The following NRXN1 variants were observed in gnomAD, a reference collection of about 807,000 sequenced individuals.
NRXN1 encodes neurexin-1.
Under a neutral mutation model 150.9 loss-of-function variants are expected in NRXN1, and 39 were observed. The observed-to-expected ratio is 0.26, with a 90% CI of 0.20 to 0.34. NRXN1 has a LOEUF of 0.34. NRXN1 is among the 10% of genes least tolerant of loss of function. The pLI is 1.00. For missense variants in NRXN1, 1,815 were observed against 1,949.9 expected, an observed-to-expected ratio of 0.93 and a Z score of 1.30; for synonymous variants, 924 against 757.0, an observed-to-expected ratio of 1.22 and a Z score of -3.62.
In NRXN1 at chr2:50,851,639, T is replaced by C. The variant is rs189924795; in HGVS notation, c.832+70230A>G. Among the ~76,000 whole-genome samples the C allele has an allele frequency of 2.2e-3, 340 of 152,180 alleles. 6 individuals are homozygous for C. Among genetic ancestry groups the C allele is most frequent in the Non-Finnish European group, 2.5e-3 (172 of 68,018 alleles). ...TTTTCAGAAAATTTGCAATTGAGTG[T>C]GGCTTGTTAGTTTAAAATAAACGGA... On this transcript the variant is annotated intron_variant, in intron 5 of 22. Transcript: ENST00000401669.
chr2:50,714,196 A>G lies in NRXN1; in HGVS notation c.833-90581T>C, dbSNP rs77890585. On this transcript the variant is annotated intron_variant, in intron 5 of 22. Coordinates refer to ENST00000401669, the MANE Select transcript of NRXN1 (RefSeq NM_001330078.2). ...AAATCAACTTTAGTCAAGGTTAACTAACTCCTTTATATGGCCACACAGGAG... is the reference window on the plus strand; with the variant it reads ...AAATCAACTTTAGTCAAGGTTAACTGACTCCTTTATATGGCCACACAGGAG... Among the ~76,000 whole-genome samples the G allele has an allele frequency of 8.5e-3, 1,293 of 152,274 alleles. 22 individuals carry two copies. The highest frequency in any genetic ancestry group is 0.029 in the African/African-American group (1,220 of 41,540).
At chr2:50,786,513 G>A (rs1705135446) in intron 5 of NRXN1, among the ~76,000 whole-genome samples, 1 of 152,082 alleles carries the variant, frequency 6.6e-6, no homozygotes, top group Admixed American at 6.6e-5. Flanking sequence ...GAAGACTAAT[G>A]ATCCTTTCTT....
At chr2:50,069,240 A>C (rs528259442) in intron 19 of NRXN1, among the ~76,000 whole-genome samples, 1 of 152,204 alleles carries the variant, frequency 6.6e-6, no homozygotes, top group Non-Finnish European at 1.5e-5. Context: ...TTTTTGCCCA[A>C]TAATGCTCCT....
intron 8 of NRXN1, among the ~76,000 whole-genome samples, chr2:50,559,958 AAAC>A (rs1401236742): frequency 1.3e-5 from 2 of 152,224 alleles, no homozygotes; most frequent in African/African-American, 4.8e-5. Flanking sequence ...TTTCCACAAA[AAAC>A]AACTGTAGCC....
chr2:49,987,331 T>G (rs1235035721), intron 21 of NRXN1, among the ~76,000 whole-genome samples: 1 of 152,130 alleles, frequency 6.6e-6, no homozygotes, highest in Non-Finnish European at 1.5e-5. Flanking sequence ...CAACACTCCT[T>G]TCCCCTGTCC....
In NRXN1 at chr2:50,091,427, G is replaced by A; in HGVS notation, c.3614C>T (p.Ala1205Val). Residue 1205 changes from alanine to valine, a missense_variant, in exon 19 of 23, where the codon GCA becomes GTA. Transcript: ENST00000401669. ...TDDIAIEESN[A>V]IINDGKYHVV... ...ATGGTATTTCCCATCATTAATGATTGCATTGGATTCTTCAATGGCGATGTC... is the reference window on the plus strand; with the variant it reads ...ATGGTATTTCCCATCATTAATGATTACATTGGATTCTTCAATGGCGATGTC... The A allele has an allele frequency of 6.2e-7, 1 of 1,614,120 alleles. No individual in the cohort carries two copies. The highest frequency in any genetic ancestry group is 8.5e-7 in the Non-Finnish European group (1 of 1,179,992).
intron 5 of NRXN1, among the ~76,000 whole-genome samples, chr2:50,921,521 A>G (rs1407289611): frequency 6.6e-6 from 1 of 151,744 alleles, no homozygotes; most frequent in Non-Finnish European, 1.5e-5. Flanking sequence ...TGTGCTCCAG[A>G]GCTGAATATT....
At chr2:50,835,424 T>C (rs1671972548) in intron 5 of NRXN1, among the ~76,000 whole-genome samples, 1 of 152,158 alleles carries the variant, frequency 6.6e-6, no homozygotes, top group South Asian at 2.1e-4. Flanking sequence ...TTTAAAAATA[T>C]TTTGATATTT....
chr2:50,211,333 A>T (rs2062998661), intron 18 of NRXN1, among the ~76,000 whole-genome samples: 2 of 151,688 alleles, frequency 1.3e-5, no homozygotes, highest in South Asian at 4.1e-4. Context: ...TGCTTAGAGT[A>T]TCTGTATCCT....
intron 11 of NRXN1, among the ~76,000 whole-genome samples, chr2:50,529,387 T>TCCTTTCTTGATTTTC (rs1421812935): frequency 6.6e-6 from 1 of 152,210 alleles, no homozygotes; most frequent in Non-Finnish European, 1.5e-5. Flanking sequence ...CCCTTGATTT[T>TCCTTTCTTGATTTTC]CCTTTCTTGA....
At chr2:49,946,272 G>C (rs1672875180) in intron 21 of NRXN1, among the ~76,000 whole-genome samples, 1 of 152,078 alleles carries the variant, frequency 6.6e-6, no homozygotes, top group East Asian at 1.9e-4. Flanking sequence ...GTTCCTTGTA[G>C]ACTCTGGATA....
chr2:50,362,619 C>T (rs1384271383), intron 17 of NRXN1, among the ~76,000 whole-genome samples: 1 of 152,148 alleles, frequency 6.6e-6, no homozygotes, highest in Non-Finnish European at 1.5e-5. Context: ...GAAAAACATT[C>T]CATGCTCATG....
intron 17 of NRXN1, among the ~76,000 whole-genome samples, chr2:50,343,005 T>C (rs2077663841): frequency 6.6e-6 from 1 of 152,220 alleles, no homozygotes; most frequent in Non-Finnish European, 1.5e-5. Context: ...CATTATAAAT[T>C]CAAGATATAA....
chr2:50,739,275 AAAGT>A (rs772498441), intron 5 of NRXN1: 9 of 502,768 alleles, frequency 1.8e-5, no homozygotes, highest in East Asian at 1.7e-4. Context: ...TTTTGATTAA[AAAGT>A]ATGTATTAAT....
chr2:50,911,198 C>T lies in NRXN1; in HGVS notation c.832+10671G>A, dbSNP rs570956004. Reference sequence around the variant, plus strand: ...TCCCTAGACCCTAAAGTTGCCCTCTCAGGCTGCTGTCATTACTCTTTCACA... The same window carrying T: ...TCCCTAGACCCTAAAGTTGCCCTCTTAGGCTGCTGTCATTACTCTTTCACA... On this transcript the variant is annotated intron_variant, in intron 5 of 22. Coordinates refer to ENST00000401669, the MANE Select transcript of NRXN1 (RefSeq NM_001330078.2). Among the ~76,000 whole-genome samples the T allele has an allele frequency of 2.6e-5, 4 of 151,612 alleles. No homozygotes were observed. In the East Asian group the frequency reaches 7.8e-4, roughly 30 times the overall value.
At chr2:50,552,534 G>T in intron 9 of NRXN1, 53 bp downstream of exon 9, 1 of 1,354,438 alleles carries the variant, frequency 7.4e-7, no homozygotes, top group Non-Finnish European at 1.0e-6. Context: ...GGAATGGCAT[G>T]GGTGGGTGGG....
At chr2:50,903,898 T>C (rs1294692340) in intron 5 of NRXN1, among the ~76,000 whole-genome samples, 1 of 152,220 alleles carries the variant, frequency 6.6e-6, no homozygotes, top group Admixed American at 6.5e-5. Flanking sequence ...ACGCCGGCTG[T>C]AGCCCTGAGA....
intron 21 of NRXN1, among the ~76,000 whole-genome samples, chr2:50,049,194 T>A (rs754511342): frequency 4.6e-5 from 7 of 152,160 alleles, no homozygotes; most frequent in African/African-American, 7.2e-5. Flanking sequence ...ATACTATTAA[T>A]AATTACACTG....
rs1553778339 is a variant in NRXN1 at position 50,552,795 on chromosome 2, G to C, written c.1551C>G (p.Ile517Met). 13 of 1,613,970 alleles carry C rather than the reference G, an allele frequency of 8.1e-6. No individual in the cohort carries two copies. The highest frequency in any genetic ancestry group is 1.1e-5 in the Non-Finnish European group (13 of 1,179,862). The change falls in exon 9 of 23, where the codon ATC (isoleucine) becomes ATG (methionine). Residue 517 changes from isoleucine (I) to methionine (M), a missense_variant. Physicochemically the swap from Ile to Met is conservative, Grantham distance 10. This residue lies in a region of NRXN1 where 638 missense variants were observed against 652.6 expected (regional missense o/e 0.98). Transcript: ENST00000401669. ...DFRTTEPNGL[I>M]LFSHGKPRHQ... ...GTCTTGGCTTGCCATGGCTAAATAA[G>C]ATGAGGCCATTTGGCTCTGTTGTAC...
Sources: allele counts gnomAD v4.1 joint callset (sites outside exome capture counted in the v4.1 genomes callset), GRCh38; gene constraint gnomAD v4.1.1; regional missense constraint gnomAD v4.1.1; transcripts MANE v1.5; gene names NCBI Gene and HGNC (gene_info 2026-07-23, HGNC 2026-07-21).